RABGEF1: variants seen among roughly 807,000 people sequenced by gnomAD.
The protein encoded by RABGEF1 is rab5 GDP/GTP exchange factor.
A neutral mutation model predicts 57.3 loss-of-function variants in RABGEF1; 26 were observed. The observed-to-expected ratio is 0.45, with a 90% confidence interval of 0.33 to 0.63. The LOEUF (loss-of-function observed/expected upper bound fraction) is 0.63. Ranked by LOEUF, RABGEF1 falls within the 20% of genes least tolerant of loss-of-function variation. The pLI, the probability that RABGEF1 is intolerant of heterozygous loss-of-function variation, is 0.02. For synonymous variants in RABGEF1, 185 were observed against 210.7 expected (o/e 0.88, Z 1.06); for missense variants, 464 against 607.6 (o/e 0.76, Z 2.48).
intron 4 of RABGEF1, among the ~76,000 whole-genome samples, chr7:66,794,207 ATTTTTTT>A (rs1174835014): frequency 7.7e-5 from 7 of 91,084 alleles, no homozygotes; most frequent in South Asian, 3.9e-4. Context: ...TCCATGTTTA[ATTTTTTT>A]TTTTTTTTTT....
chr7:66,798,792 T>G (rs1163070517), intron 6 of RABGEF1, among the ~76,000 whole-genome samples: 1 of 152,122 alleles, frequency 6.6e-6, no homozygotes, highest in Non-Finnish European at 1.5e-5. Flanking sequence ...GGTGAAACCC[T>G]GTCTCGTAAA....
At chr7:66,676,796 C>T in the RABGEF1 span, among the ~76,000 whole-genome samples, 5 of 152,312 alleles carry the variant, frequency 3.3e-5, no homozygotes, top group East Asian at 9.6e-4. Flanking sequence ...GTTGCCCAGG[C>T]TGGTTTCAAA....
the RABGEF1 span, among the ~76,000 whole-genome samples, chr7:66,661,622 C>G: frequency 6.6e-6 from 1 of 152,096 alleles, no homozygotes; most frequent in African/African-American, 2.4e-5. Flanking sequence ...CATTAAATTA[C>G]TAATTAAAAT....
At chr7:66,802,805 T>C (rs1284733074) in intron 7 of RABGEF1, among the ~76,000 whole-genome samples, 2 of 152,230 alleles carry the variant, frequency 1.3e-5, no homozygotes, top group East Asian at 1.9e-4. Context: ...CCCTGCCTTA[T>C]GGCAATAGCA....
intron 1 of RABGEF1, among the ~76,000 whole-genome samples, chr7:66,771,151 T>A (rs754690178): frequency 1.3e-5 from 2 of 152,080 alleles, no homozygotes; most frequent in Non-Finnish European, 2.9e-5. Context: ...ATTTTTTATT[T>A]CTTTTGAGAC....
intron 4 of RABGEF1, among the ~76,000 whole-genome samples, chr7:66,787,622 G>T (rs757255751): frequency 3.9e-5 from 6 of 152,144 alleles, no homozygotes; most frequent in Admixed American, 6.5e-5. Context: ...CGGGATTACA[G>T]GATTGAGCCA....
At chr7:66,785,351 T>G (rs1160995647) in intron 4 of RABGEF1, among the ~76,000 whole-genome samples, 2 of 152,208 alleles carry the variant, frequency 1.3e-5, no homozygotes, top group Admixed American at 6.5e-5. Context: ...TATGCATGTA[T>G]CTCAGGTATC....
At chr7:66,772,917 A>AAAAAT (rs1554317022) in intron 2 of RABGEF1, among the ~76,000 whole-genome samples, 2 of 151,014 alleles carry the variant, frequency 1.3e-5, no homozygotes, top group Non-Finnish European at 2.9e-5. Context: ...GTCTCAAAAA[A>AAAAAT]AAATAAATAA....
intron 1 of RABGEF1, among the ~76,000 whole-genome samples, chr7:66,753,495 T>TAA (rs1010157751): frequency 6.6e-6 from 1 of 152,158 alleles, no homozygotes; most frequent in African/African-American, 2.4e-5. Context: ...TGCACCACTG[T>TAA]AATAAAGTGA....
the RABGEF1 span, among the ~76,000 whole-genome samples, chr7:66,661,298 CAAAAAAA>C: frequency 2.6e-5 from 2 of 78,044 alleles, no homozygotes; most frequent in African/African-American, 5.5e-5. Flanking sequence ...GACTCCATCT[CAAAAAAA>C]AAAAAAAAAA....
At chr7:66,781,834 T>C (rs886331681) in intron 3 of RABGEF1, among the ~76,000 whole-genome samples, 1 of 152,246 alleles carries the variant, frequency 6.6e-6, no homozygotes, top group African/African-American at 2.4e-5. Flanking sequence ...AGCTAGGCTC[T>C]GTTTGAGTGG....
chr7:66,683,838 T>G (rs928520369), intron 1 of RABGEF1, among the ~76,000 whole-genome samples: 3 of 152,042 alleles, frequency 2.0e-5, no homozygotes, highest in African/African-American at 7.2e-5. Context: ...CTGCCTGGGC[T>G]CAAGTGAACC....
chr7:66,740,398 C>T (rs1221228448), upstream of RABGEF1: 1 of 152,306 alleles, frequency 6.6e-6, no homozygotes. Context: ...GGCCGCAGCC[C>T]CAGGAGTCGC....
chr7:66,661,364 A>G, the RABGEF1 span, among the ~76,000 whole-genome samples: 1 of 151,970 alleles, frequency 6.6e-6, no homozygotes, highest in Non-Finnish European at 1.5e-5. Context: ...ATTATAAGAT[A>G]ATACTATAAA....
At chr7:66,751,180 G>A (rs1469039841) in intron 1 of RABGEF1, among the ~76,000 whole-genome samples, 2 of 152,008 alleles carry the variant, frequency 1.3e-5, no homozygotes, top group African/African-American at 4.8e-5. Flanking sequence ...ACAGACGTGC[G>A]CCACCGCACC....
intron 5 of RABGEF1, 75 bp from the exon 6 acceptor site, chr7:66,797,297 CTT>C (rs34557764): frequency 0.27 from 355,299 of 1,334,508 alleles, 53,183 homozygotes; most frequent in East Asian, 0.52. Context: ...GAGCCAGACT[CTT>C]TGTTTGCAAA....
chr7:66,678,891 G>A (rs1184225551), upstream of RABGEF1, among the ~76,000 whole-genome samples: 5 of 152,144 alleles, frequency 3.3e-5, no homozygotes, highest in African/African-American at 1.2e-4. Context: ...TGGTAACCAC[G>A]TTTTCATTCC....
intron 2 of RABGEF1, among the ~76,000 whole-genome samples, chr7:66,719,126 T>C (rs1006253716): frequency 6.6e-6 from 1 of 152,216 alleles, no homozygotes; most frequent in Non-Finnish European, 1.5e-5. Context: ...GTCATGTGAT[T>C]GCCTAGAAGC....
chr7:66,662,711 G>A, the RABGEF1 span, among the ~76,000 whole-genome samples: 1 of 152,184 alleles, frequency 6.6e-6, no homozygotes, highest in African/African-American at 2.4e-5. Flanking sequence ...GAGTTTGAGT[G>A]TGTAGGCGTG....
Sources: gnomAD v4.1 joint callset for allele counts (sites outside exome capture counted in the v4.1 genomes callset) on GRCh38, gnomAD v4.1.1 for gene constraint, MANE v1.5 for transcripts, NCBI Gene and HGNC (gene_info 2026-07-23, HGNC 2026-07-21) for gene names.